The following SCARF1 variants were observed in gnomAD, a reference collection of about 807,000 sequenced individuals.
SCARF1 encodes acetyl LDL receptor.
A neutral mutation model predicts 76.3 loss-of-function variants in SCARF1; 49 were observed. The observed-to-expected ratio is 0.64, with a 90% CI of 0.51 to 0.81. The LOEUF (loss-of-function observed/expected upper bound fraction) is 0.81. Ranked by LOEUF, SCARF1 falls within the 40% of genes least tolerant of loss-of-function variation. The pLI, the probability that SCARF1 is intolerant of heterozygous loss-of-function variation, is 0.00. For synonymous variants in SCARF1, 495 were observed against 474.6 expected (o/e 1.04, Z -0.56); for missense variants, 1,098 against 1,143.9 (o/e 0.96, Z 0.58).
chr17:1,642,714 T>A (rs554669826), intron 4 of SCARF1, among the ~76,000 whole-genome samples: 1 of 152,286 alleles, frequency 6.6e-6, no homozygotes, highest in African/African-American at 2.4e-5. Flanking sequence ...TAAAAGTTTT[T>A]GTTTTGTTTT....
chr17:1,644,652 T>G lies in SCARF1; in HGVS notation c.265+182A>C. On this transcript the variant is annotated intron_variant, in intron 3 of 10. Coordinates refer to ENST00000263071, the MANE Select transcript of SCARF1 (RefSeq NM_003693.4). This position sits in a 1 kb window ranked among gnomAD's most constrained non-coding sequence, Gnocchi z 4.8. ...TGGATGTGGGTAAAAACCCGGTGAC[T>G]CAGGTCATCTCCCGGGAGTGTGTGT... 1.6e-6 allele frequency: 1 copy of G among 624,022 alleles called. No homozygotes were observed. The highest frequency in any genetic ancestry group is 2.8e-6 in the Non-Finnish European group (1 of 354,202). 38.7% of individuals were successfully genotyped at this position (624,022 alleles called of 1,614,324 possible). A position where few individuals can be genotyped will look rare whatever the true frequency, so the allele number is the denominator to read the frequency against.
At chr17:1,637,177 T>G in intron 8 of SCARF1, 115 bp from the exon 9 acceptor site, 1 of 1,096,432 alleles carries the variant, frequency 9.1e-7, no homozygotes, top group Non-Finnish European at 1.3e-6. Context: ...AGTGGCTCTC[T>G]ATTGACTACA....
In SCARF1 at chr17:1,635,181, C is replaced by T. The variant is rs773796651; in HGVS notation, c.2070G>A (p.Thr690=). 4.3e-6 allele frequency: 7 copies of T among 1,613,514 alleles called. No individual in the cohort carries two copies. The highest frequency in any genetic ancestry group is 3.3e-5 in the Admixed American group (2 of 60,034). Residue 690 remains threonine, a synonymous_variant, in exon 11 of 11, where the codon ACG becomes ACA. Coordinates refer to ENST00000263071, the MANE Select transcript of SCARF1 (RefSeq NM_003693.4). The part of the protein sequence containing the change: ...SVQESSGPVT[T]IYMLAGKPRG... ...GGGGCTTCCCTGCCAGCATGTAGAT[C>T]GTGGTCACAGGGCCCGAGCTCTCCT...
intron 4 of SCARF1, among the ~76,000 whole-genome samples, chr17:1,641,866 C>T (rs987801947): frequency 3.9e-5 from 6 of 152,168 alleles, no homozygotes; most frequent in African/African-American, 7.2e-5. Flanking sequence ...GGATTACAGG[C>T]GCCCAACACC....
chr17:1,642,576 G>A (rs1260985855), intron 4 of SCARF1, among the ~76,000 whole-genome samples: 1 of 151,938 alleles, frequency 6.6e-6, no homozygotes, highest in Non-Finnish European at 1.5e-5. Flanking sequence ...TCTTAACCCA[G>A]TCTATCATTG....
intron 10 of SCARF1, among the ~76,000 whole-genome samples, chr17:1,636,231 G>A (rs1909546445): frequency 6.6e-6 from 1 of 152,206 alleles, no homozygotes. Context: ...TCCTGTCATT[G>A]TCTGATGACT....
At position 1,640,390 on chromosome 17, in the gene SCARF1, C is replaced by T; in HGVS notation, c.1010+58G>A. On this transcript the variant is annotated intron_variant, in intron 5 of 10. Coordinates refer to ENST00000263071, the MANE Select transcript of SCARF1 (RefSeq NM_003693.4). The surrounding 1 kb of genome is among the most constrained non-coding windows in gnomAD (Gnocchi z 4.7). ...AGGGTGGTGCTCTCGGAGAGAGCCG[C>T]TGAGCTGAGGGTCCTGGGGGAAGGT... 6.9e-7 allele frequency: 1 copy of T among 1,458,266 alleles called. No homozygotes were observed. The highest frequency in any genetic ancestry group is 9.3e-7 in the Non-Finnish European group (1 of 1,070,186). 90.3% of individuals were successfully genotyped at this position (1,458,266 alleles called of 1,614,324 possible).
At position 1,634,710 on chromosome 17, in the gene SCARF1, A is replaced by G. The variant is rs1407988412; in HGVS notation, c.*48T>C. On this transcript the variant is annotated 3_prime_UTR_variant, in exon 11 of 11. Transcript: ENST00000263071. ...GCCCCGGGATCATTTTCCAGCACACAGCACAGTCTAGTCCATCCACTCTCC... is the reference window on the plus strand; with the variant it reads ...GCCCCGGGATCATTTTCCAGCACACGGCACAGTCTAGTCCATCCACTCTCC... 6.6e-7 allele frequency: 1 copy of G among 1,520,276 alleles called. No individual in the cohort carries two copies. Among genetic ancestry groups the G allele is most frequent in the Non-Finnish European group, 8.8e-7 (1 of 1,133,020 alleles). The allele number at this position is 1,520,276 out of a possible 1,614,324, so 94.2% of individuals were successfully genotyped here. A position where few individuals can be genotyped will look rare whatever the true frequency, so the allele number is the denominator to read the frequency against.
At chr17:1,642,451 C>T (rs921896327) in intron 4 of SCARF1, among the ~76,000 whole-genome samples, 2 of 150,694 alleles carry the variant, frequency 1.3e-5, no homozygotes, top group Non-Finnish European at 2.9e-5. Context: ...TTTTTGTTCT[C>T]GCGATAGTTT....
In SCARF1 at chr17:1,635,492, G is replaced by T. The variant is rs775242912; in HGVS notation, c.1759C>A (p.Arg587=). 6.2e-6 allele frequency: 10 copies of T among 1,613,856 alleles called. No individual in the cohort carries two copies. Among genetic ancestry groups the T allele is most frequent in the Non-Finnish European group, 7.6e-6 (9 of 1,179,962 alleles). Residue 587 remains arginine, a synonymous_variant, in exon 11 of 11, where the codon CGG becomes AGG. Coordinates refer to ENST00000263071, the MANE Select transcript of SCARF1 (RefSeq NM_003693.4). ...CCTTCCGCGAAGGAGACCGATGGCCGCTTGGCCCGAGCTAGGCTGGAGGTG... is the reference window on the plus strand; with the variant it reads ...CCTTCCGCGAAGGAGACCGATGGCCTCTTGGCCCGAGCTAGGCTGGAGGTG... ...PRTSSLARAK[R]PSVSFAEGTK...
At position 1,643,788 on chromosome 17, in the gene SCARF1, G is replaced by A. The variant is rs1225416360; in HGVS notation, c.445C>T (p.His149Tyr). ...GACGACCACCAGCCGGGTTCGCAGTGGCACACGCCGGTCGCGGGGTCGCAG... is the reference window on the plus strand; with the variant it reads ...GACGACCACCAGCCGGGTTCGCAGTAGCACACGCCGGTCGCGGGGTCGCAG... The part of the protein sequence containing the change: ...GRCDPATGVC[H>Y]CEPGWWSSTC... The change falls in exon 4 of 11, where the codon CAC becomes TAC. Residue 149 changes from histidine to tyrosine, a missense_variant. His to Tyr is a moderately conservative substitution (Grantham distance 83). Coordinates refer to ENST00000263071, the MANE Select transcript of SCARF1 (RefSeq NM_003693.4). 4 of 1,269,192 alleles carry A rather than the reference G, an allele frequency of 3.2e-6. No homozygotes were observed. Among genetic ancestry groups the A allele is most frequent in the African/African-American group, 3.1e-5 (2 of 64,340 alleles). The allele number at this position is 1,269,192 out of a possible 1,614,324, so 78.6% of individuals were successfully genotyped here.
At position 1,640,066 on chromosome 17, in the gene SCARF1, G is replaced by T; in HGVS notation, c.1011-26C>A. ...CTGGGGTGAGGCAAGACTCGGGGAAGGGGAGACCAAGGCAGGCCTGGCCCC... is the reference window on the plus strand; with the variant it reads ...CTGGGGTGAGGCAAGACTCGGGGAATGGGAGACCAAGGCAGGCCTGGCCCC... On this transcript the variant is annotated intron_variant, in intron 5 of 10. Coordinates refer to ENST00000263071, the MANE Select transcript of SCARF1 (RefSeq NM_003693.4). The surrounding 1 kb of genome is among the most constrained non-coding windows in gnomAD (Gnocchi z 4.7). 1.2e-6 allele frequency: 2 copies of T among 1,610,654 alleles called. No individual in the cohort carries two copies.
In SCARF1 at chr17:1,636,768, G is replaced by A; in HGVS notation, c.1574C>T (p.Ser525Phe). 1.2e-6 allele frequency: 2 copies of A among 1,614,126 alleles called. No homozygotes were observed. The highest frequency in any genetic ancestry group is 1.7e-6 in the Non-Finnish European group (2 of 1,180,024). The change falls in exon 10 of 11, where the codon TCC (serine) becomes TTC (phenylalanine). Residue 525 changes from serine (S) to phenylalanine (F), a missense_variant. Transcript: ENST00000263071. ...AGWATDDSFSSDPESGEADEV... is the reference protein window; with the variant it reads ...AGWATDDSFSFDPESGEADEV... ...ATCTGCCTCTCCAGACTCAGGATCG[G>A]ATGAGAAGGAGTCATCAGTGGCCCA...
Position 1,638,900 on chromosome 17 carries a change from T to C in SCARF1, c.1270A>G (p.Ile424Val). 1 of 1,606,960 alleles carries C rather than the reference T, an allele frequency of 6.2e-7. No homozygotes were observed. The highest frequency in any genetic ancestry group is 1.1e-5 in the South Asian group (1 of 90,026). ...PGSGSRDTALIAGSLVPLLLL... is the reference protein window; with the variant it reads ...PGSGSRDTALVAGSLVPLLLL... ...AGCAGAGGCACAAGGCTGCCCGCGA[T>C]GAGGGCAGTGTCCCGACTGCCAGAG... is the stretch of plus-strand genomic sequence containing the variant. The change falls in exon 8 of 11, where the codon ATC (isoleucine) becomes GTC (valine). Residue 424 changes from isoleucine (I) to valine (V), a missense_variant. Transcript: ENST00000263071.
Position 1,634,650 on chromosome 17 carries a change from T to C in SCARF1, c.*108A>G, listed in dbSNP as rs1002478704. 2.1e-6 allele frequency: 3 copies of C among 1,435,514 alleles called. No homozygotes were observed. Among genetic ancestry groups the C allele is most frequent in the Admixed American group, 2.5e-5 (1 of 40,266 alleles). 88.9% of individuals were successfully genotyped at this position (1,435,514 alleles called of 1,614,324 possible). On this transcript the variant is annotated 3_prime_UTR_variant, in exon 11 of 11. Coordinates refer to ENST00000263071, the MANE Select transcript of SCARF1 (RefSeq NM_003693.4). ...TGGCCTGGAAGCCTTGCCTTTTCCC[T>C]GTGGAGGCGCAGAGGCTCTGGTTTG...
chr17:1,642,011 C>G (rs1030625673), intron 4 of SCARF1, among the ~76,000 whole-genome samples: 2 of 152,062 alleles, frequency 1.3e-5, no homozygotes, highest in African/African-American at 2.4e-5. Flanking sequence ...CGTGAGCCAC[C>G]GCGCCCAGCC....
Position 1,643,933 on chromosome 17 carries a change from A to G in SCARF1, c.300T>C (p.Arg100=). ...CGTGCGGGTGGCAGGGGCAGCTCTC[A>G]CGGCAGTCGGGGCCCCAGTACTGGC... is the stretch of plus-strand genomic sequence containing the variant. ...CPGQYWGPDC[R]ESCPCHPHGQ... Residue 100 remains arginine, a synonymous_variant, in exon 4 of 11, where the codon CGT becomes CGC. Transcript: ENST00000263071. 1 of 1,351,024 alleles carries G rather than the reference A, an allele frequency of 7.4e-7. No homozygotes were observed. The highest frequency in any genetic ancestry group is 9.5e-7 in the Non-Finnish European group (1 of 1,053,934). 83.7% of individuals were successfully genotyped at this position (1,351,024 alleles called of 1,614,324 possible). A position where few individuals can be genotyped will look rare whatever the true frequency, so the allele number is the denominator to read the frequency against.
rs770566724 is a variant in SCARF1, at chr17:1,634,987, T to G, written c.2264A>C (p.Asn755Thr). ...AGGAAGCCCAGCTTTTGGGGCTGAG[T>G]TGGGGCTCTGGCCGACAGAGCCAGA... The part of the protein sequence containing the change: ...LASGSVGQSP[N>T]SAPKAGLPGA... The change falls in exon 11 of 11, where the codon AAC becomes ACC. Residue 755 changes from asparagine (N) to threonine (T), a missense_variant. Coordinates refer to ENST00000263071, the MANE Select transcript of SCARF1 (RefSeq NM_003693.4). 6.2e-7 allele frequency: 1 copy of G among 1,613,692 alleles called. No individual in the cohort carries two copies. The highest frequency in any genetic ancestry group is 8.5e-7 in the Non-Finnish European group (1 of 1,179,794).
At position 1,640,715 on chromosome 17, in the gene SCARF1, C is replaced by T. The variant is rs368352217; in HGVS notation, c.792-49G>A. The T allele has an allele frequency of 8.4e-6, 13 of 1,540,702 alleles. No individual in the cohort carries two copies. The highest frequency in any genetic ancestry group is 4.1e-5 in the African/African-American group (3 of 73,118). ...GAACAGTGGGGGTGGATGGATGGAG[C>T]GCCCACCCCCTCCTACCCCTGTACT... On this transcript the variant is annotated intron_variant, in intron 4 of 10. Transcript: ENST00000263071. The surrounding 1 kb of genome is among the most constrained non-coding windows in gnomAD (Gnocchi z 4.7).
Sources: gnomAD v4.1 joint callset for allele counts (sites outside exome capture counted in the v4.1 genomes callset) on GRCh38, gnomAD v4.1.1 for gene constraint, Gnocchi (gnomAD v3.1) non-coding constraint, MANE v1.5 for transcripts, NCBI Gene and HGNC (gene_info 2026-07-23, HGNC 2026-07-21) for gene names.